Variants in FANCB observed in about 807,000 individuals in gnomAD.
FANCB encodes the protein FA complementation group B, also known as Fanconi anemia group B protein.
In FANCB, 5 loss-of-function variants were observed where a neutral mutation model predicts 38.9. The ratio of observed to expected loss-of-function variants is 0.13; its 90% CI spans 0.07 to 0.27. The LOEUF (loss-of-function observed/expected upper bound fraction) is 0.27, where lower values mean the gene tolerates loss of function less well. FANCB is among the 10% of genes least tolerant of loss of function. The pLI is 1.00. For synonymous variants in FANCB, 236 were observed against 215.4 expected, an observed-to-expected ratio of 1.10 and a Z score of -0.84; for missense variants, 573 against 602.7, an observed-to-expected ratio of 0.95 and a Z score of 0.52.
At chrX:14,774,696 T>C in the FANCB span, among the ~76,000 whole-genome samples, 12 of 112,739 alleles carry the variant, frequency 1.1e-4, no homozygotes, top group Non-Finnish European at 9.4e-5. Context: ...AATGTTTTAA[T>C]AGTCATTGTC....
the FANCB span, among the ~76,000 whole-genome samples, chrX:14,696,041 T>A: frequency 9.1e-6 from 1 of 110,164 alleles, no homozygotes; most frequent in Non-Finnish European, 1.9e-5. Context: ...GTACTTCGGT[T>A]TAACTACAAT....
chrX:14,698,714 A>G, the FANCB span, among the ~76,000 whole-genome samples: 1 of 107,163 alleles, frequency 9.3e-6, no homozygotes, highest in African/African-American at 3.4e-5. Context: ...AAAAAAGTAA[A>G]TATTCCCAAG....
At chrX:14,727,295 T>C in the FANCB span, among the ~76,000 whole-genome samples, 1 of 112,095 alleles carries the variant, frequency 8.9e-6, no homozygotes, top group Non-Finnish European at 1.9e-5. Context: ...CAGCTCAGCC[T>C]TGACATTATT....
In FANCB at chrX:14,873,028, G is replaced by T. The variant is rs2092508198; in HGVS notation, c.-234C>A. Reference sequence around the variant, plus strand: ...ATACCGGAGGCCCCACGTCGATACGGTATCCATCTGCTCCAAACCTCCCGC... The same window carrying T: ...ATACCGGAGGCCCCACGTCGATACGTTATCCATCTGCTCCAAACCTCCCGC... On this transcript the variant is annotated 5_prime_UTR_variant, in exon 1 of 10. An upstream open reading frame in the 5' UTR gains an earlier in-frame stop. Coordinates refer to ENST00000650831, the MANE Select transcript of FANCB (RefSeq NM_001018113.3). 1 of 141,390 alleles carries T rather than the reference G, an allele frequency of 7.1e-6. No individual in the cohort carries two copies. Among genetic ancestry groups the T allele is most frequent in the Non-Finnish European group, 1.4e-5 (1 of 71,225 alleles). The allele number at this position is 141,390 out of a possible 1,213,427, so 11.7% of individuals were successfully genotyped here.
chrX:14,743,487 T>G, the FANCB span, among the ~76,000 whole-genome samples: 1 of 111,275 alleles, frequency 9.0e-6, no homozygotes, highest in African/African-American at 3.3e-5. Flanking sequence ...AATAAATTAT[T>G]ATGATGGAAA....
At chrX:14,861,108 T>C (rs753648722) in intron 3 of FANCB, among the ~76,000 whole-genome samples, 1 of 111,227 alleles carries the variant, frequency 9.0e-6, no homozygotes, top group African/African-American at 3.3e-5. Context: ...GGTCTCAAAC[T>C]CTAGGTCTCA....
At chrX:14,737,062 C>T in the FANCB span, among the ~76,000 whole-genome samples, 6 of 110,803 alleles carry the variant, frequency 5.4e-5, no homozygotes, top group Non-Finnish European at 1.1e-4. Flanking sequence ...GAGGCTGAGG[C>T]GAGAGAATTG....
At chrX:14,791,615 C>T in the FANCB span, among the ~76,000 whole-genome samples, 1 of 112,003 alleles carries the variant, frequency 8.9e-6, no homozygotes, top group African/African-American at 3.2e-5. Flanking sequence ...TACAGGCAGG[C>T]AAGGGAGGTG....
At chrX:14,713,368 T>A in the FANCB span, among the ~76,000 whole-genome samples, 8 of 112,140 alleles carry the variant, frequency 7.1e-5, no homozygotes, top group African/African-American at 2.6e-4. Flanking sequence ...GTGTGTCTTT[T>A]GAGCACTCTA....
the FANCB span, among the ~76,000 whole-genome samples, chrX:14,802,241 G>C: frequency 9.0e-6 from 1 of 111,253 alleles, no homozygotes; most frequent in Admixed American, 9.6e-5. Context: ...ACTTCAGGTA[G>C]AGAAAAAAAT....
intron 7 of FANCB, 43 bp downstream of exon 7, chrX:14,850,462 T>C: frequency 9.6e-7 from 1 of 1,039,680 alleles, no homozygotes; most frequent in East Asian, 3.0e-5. Context: ...ACAGTACTGT[T>C]CTGGAGCATC....
At chrX:14,729,133 C>T in the FANCB span, among the ~76,000 whole-genome samples, 1 of 112,169 alleles carries the variant, frequency 8.9e-6, no homozygotes, top group African/African-American at 3.2e-5. Flanking sequence ...ACACTACTGA[C>T]ATTCAGTAAG....
chrX:14,741,943 C>T, the FANCB span, among the ~76,000 whole-genome samples: 1 of 111,318 alleles, frequency 9.0e-6, no homozygotes, highest in Non-Finnish European at 1.9e-5. Flanking sequence ...ATTTGAGTTT[C>T]TATTAGATAA....
the FANCB span, among the ~76,000 whole-genome samples, chrX:14,760,621 G>A: frequency 8.9e-6 from 1 of 111,846 alleles, no homozygotes; most frequent in Non-Finnish European, 1.9e-5. Context: ...ATATCACACA[G>A]TACTCCAGAA....
chrX:14,863,773 T>C (rs897133444), intron 3 of FANCB, among the ~76,000 whole-genome samples: 1 of 112,355 alleles, frequency 8.9e-6, no homozygotes, highest in Non-Finnish European at 1.9e-5. Context: ...TTTCAAGGAA[T>C]TTCTCTATAT....
chrX:14,865,214 A>T lies in FANCB; in HGVS notation c.297T>A (p.Asn99Lys), dbSNP rs1331177004. The T allele has an allele frequency of 8.7e-7, 1 of 1,154,360 alleles. No individual in the cohort carries two copies. The highest frequency in any genetic ancestry group is 1.8e-5 in the African/African-American group (1 of 54,788). ...INLPYIVIEK[N>K]KKNNVFEYFL... ...AATATTCAAAAACATTATTCTTTTTATTTTTTTCTATCACAATGTAAGGGA... is the reference window on the plus strand; with the variant it reads ...AATATTCAAAAACATTATTCTTTTTTTTTTTTTCTATCACAATGTAAGGGA... The change falls in exon 3 of 10, where the codon AAT becomes AAA. Residue 99 changes from asparagine to lysine, a missense_variant. By Grantham distance (94) the Asn-to-Lys change is moderately conservative. Coordinates refer to ENST00000650831, the MANE Select transcript of FANCB (RefSeq NM_001018113.3).
chrX:14,855,159 T>C (rs1285638737), intron 5 of FANCB, among the ~76,000 whole-genome samples: 2 of 111,954 alleles, frequency 1.8e-5, no homozygotes, highest in African/African-American at 6.5e-5. Flanking sequence ...TCTGTGTACA[T>C]GTGTACAAGA....
At chrX:14,770,804 C>T in the FANCB span, among the ~76,000 whole-genome samples, 2 of 111,903 alleles carry the variant, frequency 1.8e-5, no homozygotes, top group Non-Finnish European at 3.8e-5. Context: ...GAGCTTCCTT[C>T]AGGAGCTCTT....
Position 14,853,000 on chromosome X carries a change from A to G in FANCB, c.1326+39T>C, listed in dbSNP as rs1353526885. 3 of 1,147,567 alleles carry G rather than the reference A, an allele frequency of 2.6e-6. No homozygotes were observed. In the East Asian group the frequency reaches 9.1e-5, roughly 35 times the overall value. 94.6% of individuals were successfully genotyped at this position (1,147,567 alleles called of 1,213,427 possible). A position where few individuals can be genotyped will look rare whatever the true frequency, so the allele number is the denominator to read the frequency against. ...CTTTTCAATAGCTTATAGATTTTCAATTCATAAAATGATAAAATGGTCACA... is the reference window on the plus strand; with the variant it reads ...CTTTTCAATAGCTTATAGATTTTCAGTTCATAAAATGATAAAATGGTCACA... On this transcript the variant is annotated intron_variant, in intron 6 of 9. Coordinates refer to ENST00000650831, the MANE Select transcript of FANCB (RefSeq NM_001018113.3).
Sources: allele counts gnomAD v4.1 joint callset (sites outside exome capture counted in the v4.1 genomes callset), GRCh38; gene constraint gnomAD v4.1.1; transcripts MANE v1.5; gene names NCBI Gene and HGNC (gene_info 2026-07-23, HGNC 2026-07-21).